Variants in CDH12 observed in about 807,000 individuals in gnomAD.
The protein encoded by CDH12 is cadherin-12.
A neutral mutation model predicts 74.1 loss-of-function variants in CDH12; 41 were observed. That is an observed-to-expected ratio of 0.55 (90% CI 0.43 to 0.72). The LOEUF is 0.72. Ranked by LOEUF, CDH12 falls within the 30% of genes least tolerant of loss-of-function variation. The probability of loss-of-function intolerance (pLI) is 0.00; values close to 1 mark genes in which losing one functional copy is unlikely to be tolerated. For synonymous variants in CDH12, 399 were observed against 355.0 expected (o/e 1.12, Z -1.39); for missense variants, 945 against 977.2 (o/e 0.97, Z 0.44).
intron 6 of CDH12, among the ~76,000 whole-genome samples, chr5:21,914,308 A>C (rs1753993316): frequency 6.6e-6 from 1 of 152,184 alleles, no homozygotes; most frequent in African/African-American, 2.4e-5. Context: ...ATAAGGGTGA[A>C]AGTCAAGAGA....
chr5:22,219,326 T>G (rs1032244994), intron 3 of CDH12, among the ~76,000 whole-genome samples: 23 of 151,652 alleles, frequency 1.5e-4, no homozygotes, highest in African/African-American at 5.6e-4. Context: ...CTCTTATTAT[T>G]TACTTATTTA....
At chr5:22,214,305 G>A (rs1470582231) in intron 3 of CDH12, among the ~76,000 whole-genome samples, 1 of 152,046 alleles carries the variant, frequency 6.6e-6, no homozygotes. Flanking sequence ...GGTGACAGCC[G>A]AATGTGAAGA....
chr5:22,477,088 GT>G (rs1423553473), intron 2 of CDH12, among the ~76,000 whole-genome samples: 6 of 152,120 alleles, frequency 3.9e-5, no homozygotes, highest in African/African-American at 1.4e-4. Context: ...TACTGTTTAT[GT>G]TTTCTTAACT....
intron 1 of CDH12, among the ~76,000 whole-genome samples, chr5:22,657,085 G>A (rs1740080587): frequency 1.3e-5 from 2 of 152,008 alleles, no homozygotes; most frequent in Admixed American, 1.3e-4. Flanking sequence ...TACTACCTAG[G>A]GTTAAAATAA....
chr5:22,839,352 C>CTTT (rs1293903338), intron 1 of CDH12, among the ~76,000 whole-genome samples: 5 of 120,256 alleles, frequency 4.2e-5, no homozygotes, highest in South Asian at 2.8e-4. Context: ...AATTACTTGT[C>CTTT]TTTTTTTTTT....
intron 1 of CDH12, among the ~76,000 whole-genome samples, chr5:22,802,899 A>G (rs1748610295): frequency 6.6e-6 from 1 of 152,198 alleles, no homozygotes; most frequent in Admixed American, 6.5e-5. Context: ...ATTTTTGTTT[A>G]ATATGGAAGA....
At chr5:22,812,482 T>C (rs1561049034) in intron 1 of CDH12, among the ~76,000 whole-genome samples, 1 of 152,152 alleles carries the variant, frequency 6.6e-6, no homozygotes, top group South Asian at 2.1e-4. Context: ...TTAAGCCAAG[T>C]ACAGGGTCCC....
At chr5:22,719,436 C>T (rs1258286911) in intron 1 of CDH12, among the ~76,000 whole-genome samples, 4 of 152,096 alleles carry the variant, frequency 2.6e-5, no homozygotes, top group Non-Finnish European at 5.9e-5. Flanking sequence ...GAAAAGATAG[C>T]CTTCCATCCT....
intron 8 of CDH12, among the ~76,000 whole-genome samples, chr5:21,820,147 CA>C (rs971054162): frequency 2.6e-5 from 4 of 151,802 alleles, no homozygotes; most frequent in African/African-American, 9.7e-5. Context: ...ATTCAAACTG[CA>C]GATGAAAGAG....
intron 4 of CDH12, among the ~76,000 whole-genome samples, chr5:22,107,469 T>C (rs7445203): frequency 1.9e-5 from 1 of 52,698 alleles, no homozygotes; most frequent in African/African-American, 7.7e-5. Flanking sequence ...TGTATATACG[T>C]ATATACATAC....
rs550257550 is a variant in CDH12, at chr5:22,576,366, G to A, written c.-522-71002C>T. Reference sequence around the variant, plus strand: ...GAGGAAAAGACCATGGAAGGTGAAAGGGGTAAAGAGGCAACCTTCATGTTG... The same window carrying A: ...GAGGAAAAGACCATGGAAGGTGAAAAGGGTAAAGAGGCAACCTTCATGTTG... On this transcript the variant is annotated intron_variant, in intron 1 of 14. Transcript: ENST00000382254. Among the ~76,000 whole-genome samples the A allele has an allele frequency of 8.5e-5, 13 of 152,258 alleles. No homozygotes were observed. The South Asian group carries it at 1.2e-3, about 15-fold the overall frequency.
At chr5:22,372,199 T>A (rs1353890923) in intron 3 of CDH12, among the ~76,000 whole-genome samples, 1 of 152,110 alleles carries the variant, frequency 6.6e-6, no homozygotes, top group African/African-American at 2.4e-5. Context: ...AGTGTATGCC[T>A]CTTGCTTGGA....
chr5:21,804,646 ACACACACACACACACACACAC>A (rs1747331726), intron 9 of CDH12, among the ~76,000 whole-genome samples: 19 of 91,344 alleles, frequency 2.1e-4, no homozygotes, highest in African/African-American at 7.9e-4. Flanking sequence ...GAATTAAAAC[ACACACACACACACACACACAC>A]ACACACACAC....
intron 2 of CDH12, among the ~76,000 whole-genome samples, chr5:22,415,400 T>C (rs115511024): frequency 0.01 from 1,544 of 152,342 alleles, 10 homozygotes; most frequent in Non-Finnish European, 0.013. Flanking sequence ...TACTCACCTC[T>C]GTGAAACTTT....
At chr5:22,490,073 A>C (rs547275931) in intron 2 of CDH12, among the ~76,000 whole-genome samples, 29 of 152,318 alleles carry the variant, frequency 1.9e-4, no homozygotes, top group Non-Finnish European at 3.7e-4. Context: ...ATTTTAAATT[A>C]TATGTCCACT....
intron 3 of CDH12, among the ~76,000 whole-genome samples, chr5:22,359,149 G>C (rs1740690935): frequency 6.6e-6 from 1 of 152,072 alleles, no homozygotes; most frequent in African/African-American, 2.4e-5. Context: ...TGGATAAAGA[G>C]TCAAGACTCA....
intron 3 of CDH12, among the ~76,000 whole-genome samples, chr5:22,335,741 A>T (rs1159630986): frequency 6.6e-6 from 1 of 152,134 alleles, no homozygotes; most frequent in African/African-American, 2.4e-5. Flanking sequence ...AGTCCAATTA[A>T]ACTCCTTTCC....
At chr5:22,627,544 T>A (rs1738362657) in intron 1 of CDH12, among the ~76,000 whole-genome samples, 1 of 151,966 alleles carries the variant, frequency 6.6e-6, no homozygotes, top group Admixed American at 6.6e-5. Flanking sequence ...CAAGCAAATG[T>A]TAGGAGAATT....
intron 8 of CDH12, among the ~76,000 whole-genome samples, chr5:21,841,899 C>T (rs190888641): frequency 6.7e-6 from 1 of 149,804 alleles, no homozygotes. Context: ...GGGAGATATA[C>T]CTAATGCTGG....
Sources: gnomAD v4.1 joint callset for allele counts (sites outside exome capture counted in the v4.1 genomes callset) on GRCh38, gnomAD v4.1.1 for gene constraint, MANE v1.5 for transcripts, NCBI Gene and HGNC (gene_info 2026-07-23, HGNC 2026-07-21) for gene names.